SETX: variants seen among roughly 807,000 people sequenced by gnomAD.
The protein encoded by SETX is senataxin, also known as helicase senataxin.
A neutral mutation model predicts 227.2 loss-of-function variants in SETX; 90 were observed. The ratio of observed to expected loss-of-function variants is 0.40; its 90% CI spans 0.33 to 0.47. The LOEUF is 0.47. SETX is among the 20% of genes least tolerant of loss of function. The pLI, the probability that SETX is intolerant of heterozygous loss-of-function variation, is 0.91. For missense variants in SETX, 3,052 were observed against 3,181.5 expected (o/e 0.96, Z 0.98); for synonymous variants, 1,210 against 1,113.2 (o/e 1.09, Z -1.73).
intron 10 of SETX, among the ~76,000 whole-genome samples, chr9:132,325,044 G>A (rs913346073): frequency 6.6e-6 from 1 of 152,206 alleles, no homozygotes; most frequent in African/African-American, 2.4e-5. Flanking sequence ...CTGTTACACA[G>A]AGCAGCTGCT....
At chr9:132,267,698 C>G (rs1235755648) in intron 25 of SETX, among the ~76,000 whole-genome samples, 1 of 152,220 alleles carries the variant, frequency 6.6e-6, no homozygotes, top group Admixed American at 6.5e-5. Context: ...AGCTGGAGGT[C>G]AGTGGTCTGC....
intron 2 of SETX, among the ~76,000 whole-genome samples, chr9:132,351,033 T>A (rs1341978797): frequency 6.6e-6 from 1 of 152,218 alleles, no homozygotes; most frequent in African/African-American, 2.4e-5. Flanking sequence ...CCAAGTAACA[T>A]GGGATAAGGT....
intron 10 of SETX, 23 bp from the exon 11 acceptor site, chr9:132,311,879 T>C (rs1246340900): frequency 6.5e-7 from 1 of 1,538,696 alleles, no homozygotes; most frequent in Admixed American, 1.7e-5. Flanking sequence ...CAAAAGCAAA[T>C]TAAGAAAGCA....
intron 21 of SETX, 133 bp downstream of exon 21, chr9:132,277,937 A>G: frequency 1.1e-6 from 1 of 898,694 alleles, no homozygotes; most frequent in Non-Finnish European, 1.8e-6. Flanking sequence ...TGGCTATTAT[A>G]ACAGGACAAA....
At chr9:132,348,370 A>C (rs1166856944) in intron 3 of SETX, among the ~76,000 whole-genome samples, 2 of 53,980 alleles carry the variant, frequency 3.7e-5, no homozygotes, top group African/African-American at 7.6e-5. Context: ...CTCAAAAAAA[A>C]AACAAAACAA....
chr9:132,281,690 A>G (rs1564482651), intron 19 of SETX, 116 bp from the exon 20 acceptor site: 5 of 760,684 alleles, frequency 6.6e-6, no homozygotes, highest in South Asian at 3.0e-5. Flanking sequence ...CCTGCACCAA[A>G]TATCAAAAAT....
intron 5 of SETX, among the ~76,000 whole-genome samples, chr9:132,339,244 G>C (rs1276015162): frequency 1.3e-5 from 2 of 152,068 alleles, no homozygotes; most frequent in Non-Finnish European, 2.9e-5. Flanking sequence ...AACACTTTGG[G>C]AGGCTGAGGT....
chr9:132,284,550 G>A (rs575214339), intron 18 of SETX, among the ~76,000 whole-genome samples: 2 of 152,238 alleles, frequency 1.3e-5, no homozygotes, highest in East Asian at 1.9e-4. Context: ...GACAATCAGG[G>A]TATACACCTG....
rs192525373 is a variant in SETX at position 132,327,098 on chromosome 9, T to C, written c.4500A>G (p.Gln1500=). The C allele has an allele frequency of 1.1e-5, 18 of 1,614,202 alleles. No individual in the cohort carries two copies. Among genetic ancestry groups the C allele is most frequent in the Non-Finnish European group, 1.5e-5 (18 of 1,180,038 alleles). Residue 1500 remains glutamine (Q), a synonymous_variant, in exon 10 of 26, where the codon CAA becomes CAG. Coordinates refer to ENST00000224140, the MANE Select transcript of SETX (RefSeq NM_015046.7). ...ATAAATCCATATCTTCAGGATCATT[T>C]TGGGTTAAAAATAAGTTATCTTCCT... ...DAEEDNLFLT[Q]NDPEDMDLCS... is the part of the protein sequence containing the mutation.
At chr9:132,342,514 C>T (rs1848040467) in intron 5 of SETX, among the ~76,000 whole-genome samples, 176 bp downstream of exon 5, 1 of 152,190 alleles carries the variant, frequency 6.6e-6, no homozygotes, top group Non-Finnish European at 1.5e-5. Context: ...CCCCTACCCT[C>T]TGAGATCCCC....
chr9:132,297,713 T>G (rs888658882), intron 13 of SETX, among the ~76,000 whole-genome samples: 1 of 152,250 alleles, frequency 6.6e-6, no homozygotes, highest in Non-Finnish European at 1.5e-5. Context: ...CAGCTTCACA[T>G]GTTCAGTTGA....
intron 15 of SETX, among the ~76,000 whole-genome samples, chr9:132,290,574 C>CAAAAAAAAA (rs59954158): frequency 6.3e-4 from 28 of 44,712 alleles, no homozygotes; most frequent in African/African-American, 1.6e-3. Context: ...GACTCCGTCT[C>CAAAAAAAAA]AAAAAAAAAA....
chr9:132,335,783 C>T (rs147327189), intron 6 of SETX, among the ~76,000 whole-genome samples: 167 of 152,280 alleles, frequency 1.1e-3, no homozygotes, highest in African/African-American at 3.9e-3. Context: ...TGAAAATGTA[C>T]TGCTTACTAC....
Position 132,275,171 on chromosome 9 carries a change from AAG to A in SETX, c.7100+83_7100+84del, listed in dbSNP as rs1202183901. ...CACCAATTTGCACAGACCACTCCTTAAGAGTTTCCCTTTTCTTCTTTCCTTCT... is the reference window on the plus strand; with the variant it reads ...CACCAATTTGCACAGACCACTCCTTAAGTTTCCCTTTTCTTCTTTCCTTCT... On this transcript the variant is annotated intron_variant, in intron 23 of 25. Transcript: ENST00000224140. 4 of 1,457,596 alleles carry A rather than the reference AAG, an allele frequency of 2.7e-6. No individual in the cohort carries two copies. In the African/African-American group the frequency reaches 5.6e-5, roughly 20 times the overall value. 90.3% of individuals were successfully genotyped at this position (1,457,596 alleles called of 1,614,324 possible).
chr9:132,285,124 G>A lies in SETX; in HGVS notation c.6396+1299C>T, dbSNP rs531358222. 5.9e-5 allele frequency among the ~76,000 whole-genome samples: 9 copies of A among 152,012 alleles called. No individual in the cohort carries two copies. In the East Asian group the frequency reaches 1.4e-3, roughly 23 times the overall value. On this transcript the variant is annotated intron_variant, in intron 18 of 25. Coordinates refer to ENST00000224140, the MANE Select transcript of SETX (RefSeq NM_015046.7). Reference sequence around the variant, plus strand: ...AATCTCCTGACCTCGTGATCCGCCCGCCTCGGCCTCCCAAAGTGCTGGGAG... The same window carrying A: ...AATCTCCTGACCTCGTGATCCGCCCACCTCGGCCTCCCAAAGTGCTGGGAG...
At chr9:132,338,148 G>C (rs762727580) in intron 5 of SETX, among the ~76,000 whole-genome samples, 15 of 144,594 alleles carry the variant, frequency 1.0e-4, no homozygotes, top group Non-Finnish European at 2.2e-4. Flanking sequence ...CTGGCATGCA[G>C]TGGCACCATC....
chr9:132,313,562 A>G (rs1845793656), intron 10 of SETX, among the ~76,000 whole-genome samples: 1 of 152,232 alleles, frequency 6.6e-6, no homozygotes, highest in African/African-American at 2.4e-5. Flanking sequence ...TACTCAATAT[A>G]CTACATAATT....
At chr9:132,291,618 CCTAGAGGCCAAAAA>C (rs1392350908) in intron 15 of SETX, among the ~76,000 whole-genome samples, 1 of 152,082 alleles carries the variant, frequency 6.6e-6, no homozygotes, top group African/African-American at 2.4e-5. Flanking sequence ...AAGAGAAATC[CCTAGAGGCCAAAAA>C]CAGAGAGAGA....
Position 132,277,123 on chromosome 9 carries a change from T to C in SETX, c.6872A>G (p.Asp2291Gly). The C allele has an allele frequency of 6.2e-7, 1 of 1,613,392 alleles. No individual in the cohort carries two copies. Among genetic ancestry groups the C allele is most frequent in the Non-Finnish European group, 8.5e-7 (1 of 1,179,880 alleles). ...CACAAGGTATGGCTGAAATGGCCAA[T>C]CTGATGAACATCGAATGGCTTCTGT... ...RQTEAIRCSS[D>G]WPFQPYLVFD... The change falls in exon 22 of 26, where the codon GAT (aspartate) becomes GGT (glycine). Residue 2291 changes from aspartate to glycine, a missense_variant. By Grantham distance (94) the Asp-to-Gly change is moderately conservative. Around this residue, in one of 10 missense-constraint regions of SETX, gnomAD observed 412 missense variants for 589.0 expected, o/e 0.70. Coordinates refer to ENST00000224140, the MANE Select transcript of SETX (RefSeq NM_015046.7).
Sources: allele counts gnomAD v4.1 joint callset (sites outside exome capture counted in the v4.1 genomes callset), GRCh38; gene constraint gnomAD v4.1.1; regional missense constraint gnomAD v4.1.1; transcripts MANE v1.5; gene names NCBI Gene and HGNC (gene_info 2026-07-23, HGNC 2026-07-21).